Variants in PDE10A observed in about 807,000 individuals in gnomAD.
The protein encoded by PDE10A is phosphodiesterase 10A.
Under a neutral mutation model 97.7 loss-of-function variants are expected in PDE10A, and 39 were observed. That is an observed-to-expected ratio of 0.40 (90% CI 0.31 to 0.52). The LOEUF is 0.52. PDE10A is among the 20% of genes least tolerant of loss of function. The probability of loss-of-function intolerance (pLI) is 0.56; values close to 1 mark genes in which losing one functional copy is unlikely to be tolerated. For synonymous variants in PDE10A, 371 were observed against 376.8 expected, an observed-to-expected ratio of 0.98 and a Z score of 0.18; for missense variants, 731 against 1,047.8, an observed-to-expected ratio of 0.70 and a Z score of 4.17.
chr6:165,943,218 A>AAGGAAGGAAGGAAG (rs1562809665), intron 1 of PDE10A, among the ~76,000 whole-genome samples: 1 of 76,466 alleles, frequency 1.3e-5, no homozygotes, highest in Non-Finnish European at 2.8e-5. Flanking sequence ...AAAGAAAGAA[A>AAGGAAGGAAGGAAG]GAAAGAAAGA....
intron 1 of PDE10A, among the ~76,000 whole-genome samples, chr6:165,981,632 C>T (rs547861933): frequency 1.2e-4 from 18 of 152,274 alleles, no homozygotes; most frequent in Non-Finnish European, 2.2e-4. Flanking sequence ...CCTTCTTTGG[C>T]CCACTGGATG....
intron 1 of PDE10A, among the ~76,000 whole-genome samples, chr6:165,761,586 T>C (rs1793252183): frequency 6.6e-6 from 1 of 151,698 alleles, no homozygotes; most frequent in Admixed American, 6.5e-5. Flanking sequence ...AGACATCATA[T>C]CACAAATAAA....
chr6:165,665,824 T>C (rs1179524788), upstream of PDE10A, among the ~76,000 whole-genome samples: 2 of 152,258 alleles, frequency 1.3e-5, no homozygotes, highest in Non-Finnish European at 2.9e-5. Flanking sequence ...TCAAGAGTTT[T>C]GTATTGCTAA....
chr6:165,608,191 C>G (rs1787315771), intron 1 of PDE10A, among the ~76,000 whole-genome samples: 1 of 150,846 alleles, frequency 6.6e-6, no homozygotes, highest in Admixed American at 6.6e-5. Flanking sequence ...ATACATGTGC[C>G]ATGATGGTGT....
intron 1 of PDE10A, among the ~76,000 whole-genome samples, chr6:165,963,028 A>G (rs1050630011): frequency 1.3e-5 from 2 of 152,268 alleles, no homozygotes; most frequent in African/African-American, 4.8e-5. Flanking sequence ...TTACAAAAAC[A>G]TCAGTCTATT....
At chr6:165,922,627 G>T (rs1039305241) in intron 1 of PDE10A, among the ~76,000 whole-genome samples, 2 of 152,138 alleles carry the variant, frequency 1.3e-5, no homozygotes, top group South Asian at 4.1e-4. Context: ...AAACTCCTCA[G>T]GGTGGCATTC....
Position 165,357,273 on chromosome 6 carries a change from T to G in PDE10A, c.2784-13771A>C, listed in dbSNP as rs1333504. ...TGATTGAACATGTTATATTTTGTTA[T>G]GAATTTTACAGTTATACTTTTACAG... is the stretch of plus-strand genomic sequence containing the variant. On this transcript the variant is annotated intron_variant, in intron 18 of 21. Coordinates refer to ENST00000539869, the MANE Select transcript of PDE10A (RefSeq NM_001385079.1). 2.6e-5 allele frequency among the ~76,000 whole-genome samples: 4 copies of G among 152,196 alleles called. No homozygotes were observed. The East Asian group carries it at 5.8e-4, about 22-fold the overall frequency.
chr6:165,463,078 T>C (rs1197586316), intron 3 of PDE10A, among the ~76,000 whole-genome samples: 2 of 152,228 alleles, frequency 1.3e-5, no homozygotes, highest in African/African-American at 2.4e-5. Context: ...TCATTACTAA[T>C]TGGTCCCCTA....
At chr6:165,691,591 G>GCGCACACACACA (rs1554306127) in intron 1 of PDE10A, among the ~76,000 whole-genome samples, 29 of 51,586 alleles carry the variant, frequency 5.6e-4, no homozygotes, top group Admixed American at 5.6e-4. Flanking sequence ...GCACGCGCGC[G>GCGCACACACACA]CACACACACA....
At chr6:165,532,476 AAT>A (rs1782840249) in intron 2 of PDE10A, among the ~76,000 whole-genome samples, 1 of 152,044 alleles carries the variant, frequency 6.6e-6, no homozygotes, top group African/African-American at 2.4e-5. Flanking sequence ...AGGAAAGGGC[AAT>A]GTACAATAAG....
At chr6:165,492,623 T>G (rs1256711483) in intron 2 of PDE10A, among the ~76,000 whole-genome samples, 1 of 152,120 alleles carries the variant, frequency 6.6e-6, no homozygotes, top group Non-Finnish European at 1.5e-5. Context: ...AGAAAAAGCA[T>G]TTGACAAAAT....
intron 7 of PDE10A, 43 bp downstream of exon 7, chr6:165,432,931 G>A: frequency 6.6e-7 from 1 of 1,520,002 alleles, no homozygotes; most frequent in East Asian, 2.3e-5. Flanking sequence ...CAATGAGCTA[G>A]GTACAACTAA....
At position 165,569,360 on chromosome 6, in the gene PDE10A, T is replaced by C. The variant is rs78854629; in HGVS notation, c.866-25792A>G. ...GCCATCATTTGTCCTGGGTTCCACA[T>C]GAAGAAATGAATTTATTATTCTTTC... On this transcript the variant is annotated intron_variant, in intron 1 of 21. Coordinates refer to ENST00000539869, the MANE Select transcript of PDE10A (RefSeq NM_001385079.1). 3.8e-4 allele frequency among the ~76,000 whole-genome samples: 58 copies of C among 152,352 alleles called. 2 individuals are homozygous for C. In the East Asian group the frequency reaches 0.011, roughly 29 times the overall value.
intron 18 of PDE10A, among the ~76,000 whole-genome samples, chr6:165,361,814 G>A (rs754118780): frequency 1.1e-4 from 16 of 152,152 alleles, no homozygotes; most frequent in South Asian, 2.1e-4. Flanking sequence ...AGGAACCAAC[G>A]TTGCCGGTAC....
intron 1 of PDE10A, among the ~76,000 whole-genome samples, chr6:165,917,265 C>T (rs544626786): frequency 6.6e-5 from 10 of 152,136 alleles, no homozygotes; most frequent in Admixed American, 1.3e-4. Flanking sequence ...CTTCCTGCTC[C>T]GAGGCCAGGG....
rs1790372143 is a variant in PDE10A at position 165,663,029 on chromosome 6, C to A, written c.-218G>T. ...GGACCCGGGCCTGGGGGCCAGGCCCCGGCGACGGCGCCTGGCTACCCTCAG... is the reference window on the plus strand; with the variant it reads ...GGACCCGGGCCTGGGGGCCAGGCCCAGGCGACGGCGCCTGGCTACCCTCAG... On this transcript the variant is annotated 5_prime_UTR_variant, in exon 1 of 22. Transcript: ENST00000539869. Among the ~76,000 whole-genome samples, 1 of 151,386 alleles carries A rather than the reference C, an allele frequency of 6.6e-6. No individual in the cohort carries two copies. The highest frequency in any genetic ancestry group is 2.4e-5 in the African/African-American group (1 of 41,280).
chr6:165,396,634 T>C (rs1786189068), intron 13 of PDE10A, among the ~76,000 whole-genome samples, 175 bp from the exon 14 acceptor site: 1 of 152,196 alleles, frequency 6.6e-6, no homozygotes, highest in African/African-American at 2.4e-5. Context: ...ACTTTGCAGA[T>C]TCAAAAGAAA....
intron 18 of PDE10A, among the ~76,000 whole-genome samples, chr6:165,361,037 T>C (rs1783382422): frequency 6.6e-6 from 1 of 152,188 alleles, no homozygotes; most frequent in African/African-American, 2.4e-5. Flanking sequence ...CAGACATTTA[T>C]CAAATAGAAA....
chr6:165,669,681 T>A (rs1790592985), intron 1 of PDE10A, among the ~76,000 whole-genome samples: 1 of 152,192 alleles, frequency 6.6e-6, no homozygotes. Context: ...TTCTCCTCCC[T>A]CCAACACTCC....
Sources: allele counts gnomAD v4.1 joint callset (sites outside exome capture counted in the v4.1 genomes callset), GRCh38; gene constraint gnomAD v4.1.1; transcripts MANE v1.5; gene names NCBI Gene and HGNC (gene_info 2026-07-23, HGNC 2026-07-21).